The following FRAS1 variants were observed in gnomAD, a reference collection of about 807,000 sequenced individuals.
FRAS1 encodes the protein extracellular matrix organizing protein FRAS1.
In FRAS1, 290 loss-of-function variants were observed where a neutral mutation model predicts 435.2. The ratio of observed to expected loss-of-function variants is 0.67; its 90% confidence interval spans 0.61 to 0.73. FRAS1 has a LOEUF of 0.73. Among genes scored for constraint, FRAS1 ranks in the 30% least tolerant of loss-of-function variants. FRAS1 has a pLI of 0.00. For missense variants in FRAS1, 4,860 were observed against 5,001.5 expected, an observed-to-expected ratio of 0.97 and a Z score of 0.85; for synonymous variants, 1,800 against 1,851.0, an observed-to-expected ratio of 0.97 and a Z score of 0.71.
intron 20 of FRAS1, among the ~76,000 whole-genome samples, chr4:78,340,140 C>A (rs1046645454): frequency 6.6e-6 from 1 of 151,986 alleles, no homozygotes; most frequent in Non-Finnish European, 1.5e-5. Context: ...TTTTTTAAGG[C>A]TAATAGGGAA....
intron 19 of FRAS1, among the ~76,000 whole-genome samples, chr4:78,335,693 A>G (rs955600073): frequency 6.6e-6 from 1 of 152,150 alleles, no homozygotes; most frequent in Admixed American, 6.5e-5. Flanking sequence ...TCCCAGCCCC[A>G]CTTTCCCCGG....
rs200053753 is a variant in FRAS1, at chr4:78,355,558, C to CT, written c.2423-7948dup. On this transcript the variant is annotated intron_variant, in intron 20 of 73. Transcript: ENST00000512123. Reference sequence around the variant, plus strand: ...TTAAACATATTTGAGGTCAGCCTGCCTTTTTTTGATTACAGGCAGGAAGGT... The same window carrying CT: ...TTAAACATATTTGAGGTCAGCCTGCCTTTTTTTTGATTACAGGCAGGAAGGT... Among the ~76,000 whole-genome samples the CT allele has an allele frequency of 2.8e-4, 42 of 152,220 alleles. No individual in the cohort carries two copies. The East Asian group carries it at 7.9e-3, about 29-fold the overall frequency.
chr4:78,198,651 GGTTTCAACTGA>G (rs1401865758), intron 2 of FRAS1, among the ~76,000 whole-genome samples: 1 of 152,008 alleles, frequency 6.6e-6, no homozygotes, highest in Non-Finnish European at 1.5e-5. Context: ...GAACAACATG[GGTTTCAACTGA>G]GTGGCTCTAT....
intron 14 of FRAS1, among the ~76,000 whole-genome samples, chr4:78,306,981 C>A (rs991531438): frequency 1.3e-5 from 2 of 152,216 alleles, no homozygotes; most frequent in Admixed American, 6.5e-5. Flanking sequence ...CTGTTTTTTC[C>A]CCATCTTCGT....
intron 18 of FRAS1, among the ~76,000 whole-genome samples, chr4:78,326,386 T>C (rs1729718224): frequency 6.6e-6 from 1 of 152,090 alleles, no homozygotes. Context: ...ATGAGTAACT[T>C]GGTGAAAGGT....
At chr4:78,247,282 A>G (rs1402026192) in intron 4 of FRAS1, among the ~76,000 whole-genome samples, 5 of 152,166 alleles carry the variant, frequency 3.3e-5, no homozygotes, top group African/African-American at 1.2e-4. Flanking sequence ...GAATATACCC[A>G]TGTGTTGCTT....
intron 2 of FRAS1, among the ~76,000 whole-genome samples, chr4:78,195,082 C>G (rs549490711): frequency 9.2e-5 from 14 of 152,312 alleles, no homozygotes; most frequent in African/African-American, 3.1e-4. Flanking sequence ...GGCTGCAGAA[C>G]AGTGGATATT....
At chr4:78,461,104 C>T (rs1442029959) in intron 47 of FRAS1, among the ~76,000 whole-genome samples, 1 of 152,130 alleles carries the variant, frequency 6.6e-6, no homozygotes, top group Non-Finnish European at 1.5e-5. Context: ...TATTAAAACC[C>T]ATCAAAATCA....
rs1280744982 is a variant in FRAS1, at chr4:78,317,447, T to C, written c.1899T>C (p.Arg633=). The change falls in exon 17 of 74, where the codon CGT becomes CGC. Residue 633 remains arginine, a synonymous_variant. Transcript: ENST00000512123. ...CCTGCAGCCCCCCCAAGGCTCTGCGTCAAGGCCACTGTCTGCCCCGCTGTG... is the reference window on the plus strand; with the variant it reads ...CCTGCAGCCCCCCCAAGGCTCTGCGCCAAGGCCACTGTCTGCCCCGCTGTG... The part of the protein sequence containing the change: ...CTACSPPKAL[R]QGHCLPRCGE... 6.2e-7 allele frequency: 1 copy of C among 1,613,818 alleles called. No individual in the cohort carries two copies. Among genetic ancestry groups the C allele is most frequent in the African/African-American group, 1.3e-5 (1 of 74,928 alleles).
intron 18 of FRAS1, among the ~76,000 whole-genome samples, chr4:78,326,825 A>G (rs1009864828): frequency 2.6e-5 from 4 of 152,294 alleles, no homozygotes; most frequent in Middle Eastern, 6.8e-3. Context: ...GAAGAAGTAG[A>G]TAAGTATGAT....
At chr4:78,115,860 G>C (rs2109951113) in intron 2 of FRAS1, among the ~76,000 whole-genome samples, 1 of 149,926 alleles carries the variant, frequency 6.7e-6, no homozygotes, top group South Asian at 2.1e-4. Flanking sequence ...GTTATTTTTT[G>C]CCTTCTGCTA....
chr4:78,261,003 A>G (rs542192574), intron 6 of FRAS1, among the ~76,000 whole-genome samples: 3 of 152,100 alleles, frequency 2.0e-5, no homozygotes, highest in Non-Finnish European at 4.4e-5. Context: ...TGTTCCAATT[A>G]TTCTCACTTC....
rs1480679724 is a variant in FRAS1 at position 78,466,441 on chromosome 4, G to A, written c.7257+6G>A. The A allele has an allele frequency of 1.9e-6, 3 of 1,604,962 alleles. No homozygotes were observed. Among genetic ancestry groups the A allele is most frequent in the Admixed American group, 1.7e-5 (1 of 59,590 alleles). On this transcript the variant is annotated splice_donor_region_variant and intron_variant, in intron 50 of 73. Transcript: ENST00000512123. ...TTGAGGAAGGGGGAAAAGAGGTGAG[G>A]GGTGAGGACACTGGAGGAGGTAGCC...
At chr4:78,532,799 C>T (rs1239172670) in intron 70 of FRAS1, among the ~76,000 whole-genome samples, 1 of 152,236 alleles carries the variant, frequency 6.6e-6, no homozygotes, top group South Asian at 2.1e-4. Context: ...CATGTGGTCA[C>T]GAATGGCAGG....
At chr4:78,163,307 TTTGAAAA>T (rs1426965937) in intron 2 of FRAS1, among the ~76,000 whole-genome samples, 1 of 152,238 alleles carries the variant, frequency 6.6e-6, no homozygotes, top group Admixed American at 6.5e-5. Flanking sequence ...TTTCTCATTC[TTTGAAAA>T]TTTTGGCTTT....
At chr4:78,478,893 G>C (rs1179695180) in intron 55 of FRAS1, among the ~76,000 whole-genome samples, 2 of 152,164 alleles carry the variant, frequency 1.3e-5, no homozygotes, top group Non-Finnish European at 2.9e-5. Flanking sequence ...AATAAGTAAA[G>C]TCATTTGTAT....
At chr4:78,302,044 C>T (rs573895854) in intron 14 of FRAS1, among the ~76,000 whole-genome samples, 1 of 151,578 alleles carries the variant, frequency 6.6e-6, no homozygotes, top group East Asian at 1.9e-4. Context: ...GTGATGTTCC[C>T]CTTCCTGTGT....
Position 78,521,539 on chromosome 4 carries a change from C to T in FRAS1, c.10557C>T (p.Ser3519=), listed in dbSNP as rs371705914. The T allele has an allele frequency of 1.7e-5, 28 of 1,609,286 alleles. No individual in the cohort carries two copies. Among genetic ancestry groups the T allele is most frequent in the Non-Finnish European group, 2.0e-5 (23 of 1,177,870 alleles). ...VLWRTGIQTD[S]VLSARLQIIR... ...CCTGCCCAGGAATCCAGACAGACAGCGTGCTCTCTGCAAGGCTTCAGATAA... is the reference window on the plus strand; with the variant it reads ...CCTGCCCAGGAATCCAGACAGACAGTGTGCTCTCTGCAAGGCTTCAGATAA... Residue 3519 remains serine, a synonymous_variant, in exon 68 of 74, where the codon AGC becomes AGT. Coordinates refer to ENST00000512123, the MANE Select transcript of FRAS1 (RefSeq NM_025074.7).
chr4:78,280,017 T>C (rs1727253853), intron 10 of FRAS1, among the ~76,000 whole-genome samples: 1 of 152,216 alleles, frequency 6.6e-6, no homozygotes, highest in Admixed American at 6.5e-5. Flanking sequence ...CTTTCACAGT[T>C]TGAGATGCAA....
Sources: gnomAD v4.1 joint callset for allele counts (sites outside exome capture counted in the v4.1 genomes callset) on GRCh38, gnomAD v4.1.1 for gene constraint, MANE v1.5 for transcripts, NCBI Gene and HGNC (gene_info 2026-07-23, HGNC 2026-07-21) for gene names.